Variants in BRD1 observed in about 807,000 individuals in gnomAD.
The protein encoded by BRD1 is bromodomain-containing protein 1.
BRD1 carries 24 observed loss-of-function variants against 107.7 expected under a neutral mutation model. The ratio of observed to expected loss-of-function variants is 0.22; its 90% confidence interval spans 0.16 to 0.31. BRD1 has a LOEUF of 0.31. BRD1 is among the 10% of genes least tolerant of loss of function. The pLI, the probability that BRD1 is intolerant of heterozygous loss-of-function variation, is 1.00. For synonymous variants in BRD1, 744 were observed against 686.1 expected (o/e 1.08, Z -1.32); for missense variants, 1,279 against 1,638.6 (o/e 0.78, Z 3.79).
chr22:49,799,925 G>A (rs1450937879), intron 3 of BRD1, among the ~76,000 whole-genome samples: 6 of 152,220 alleles, frequency 3.9e-5, no homozygotes, highest in African/African-American at 1.2e-4. Context: ...GGGGCACCCT[G>A]ACCCTACCTC....
At chr22:49,775,569 A>G in intron 12 of BRD1, 22 bp downstream of exon 12, 2 of 1,464,660 alleles carry the variant, frequency 1.4e-6, no homozygotes, top group Non-Finnish European at 1.8e-6. Flanking sequence ...CGGTCCCCGG[A>G]GTCTAAGGCC....
intron 1 of BRD1, chr22:49,826,140 T>A: frequency 1.0e-6 from 1 of 982,048 alleles, no homozygotes; most frequent in African/African-American, 1.7e-5. Flanking sequence ...AAGCAACAGT[T>A]GGTTACTCAC....
At chr22:49,802,987 T>C (rs530157513) in intron 3 of BRD1, among the ~76,000 whole-genome samples, 55 of 152,346 alleles carry the variant, frequency 3.6e-4, no homozygotes, top group Admixed American at 3.4e-3. Context: ...CCAAGTTCCA[T>C]GGACAGACAC....
At chr22:49,821,496 G>A (rs2060065182) in intron 2 of BRD1, among the ~76,000 whole-genome samples, 1 of 152,046 alleles carries the variant, frequency 6.6e-6, no homozygotes, top group Non-Finnish European at 1.5e-5. Flanking sequence ...AGCATTTTTT[G>A]TTCATTCTGT....
At position 49,827,108 on chromosome 22, in the gene BRD1, G is replaced by A. The variant is rs540998025; in HGVS notation, c.-15+389C>T. ...GGGCCTGTCTGTTACATAAGGGGCG[G>A]CCCGGCCGGCTCGGCGGCTGCCCGA... On this transcript the variant is annotated intron_variant, in intron 1 of 12. Transcript: ENST00000404760. Among the ~76,000 whole-genome samples, 538 of 151,942 alleles carry A rather than the reference G, an allele frequency of 3.5e-3. 2 individuals carry two copies. Among genetic ancestry groups the A allele is most frequent in the African/African-American group, 0.013 (520 of 41,502 alleles).
intron 2 of BRD1, among the ~76,000 whole-genome samples, chr22:49,810,479 T>G (rs1326883502): frequency 6.6e-6 from 1 of 152,208 alleles, no homozygotes; most frequent in Non-Finnish European, 1.5e-5. Flanking sequence ...GCAGATAAAC[T>G]GGACTCCATC....
intron 2 of BRD1, among the ~76,000 whole-genome samples, chr22:49,808,492 G>A (rs746104361): frequency 1.9e-4 from 29 of 152,212 alleles, no homozygotes; most frequent in Non-Finnish European, 3.7e-4. Flanking sequence ...GAGACAGGGA[G>A]TAGAACGGTG....
Position 49,787,771 on chromosome 22 carries a change from T to C in BRD1, c.2476A>G (p.Lys826Glu). ...KPVELNPEQS[K>E]LFKRVTFDNE... ...TCAAATGTGACTCTTTTGAAAAGTT[T>C]ACTCTGCTCTGGGTTGAGTTCTACT... The change falls in exon 8 of 13, where the codon AAA (lysine) becomes GAA (glutamate). Residue 826 changes from lysine to glutamate, a missense_variant. Lys to Glu is a moderately conservative substitution (Grantham distance 56, BLOSUM62 1). This residue lies in a region of BRD1 where 406 missense variants were observed against 519.4 expected (regional missense o/e 0.78). Coordinates refer to ENST00000404760, the MANE Select transcript of BRD1 (RefSeq NM_001304808.3). The C allele has an allele frequency of 6.4e-7, 1 of 1,550,958 alleles. No homozygotes were observed. Among genetic ancestry groups the C allele is most frequent in the Non-Finnish European group, 8.7e-7 (1 of 1,147,076 alleles).
chr22:49,809,490 G>A (rs150272145), intron 2 of BRD1, among the ~76,000 whole-genome samples: 21 of 151,988 alleles, frequency 1.4e-4, no homozygotes, highest in Non-Finnish European at 2.9e-4. Context: ...GTAGTGAGCC[G>A]AGATCGCGCC....
intron 2 of BRD1, among the ~76,000 whole-genome samples, chr22:49,814,264 C>T (rs2059908933): frequency 6.6e-6 from 1 of 152,266 alleles, no homozygotes; most frequent in South Asian, 2.1e-4. Flanking sequence ...ACAAACAGTG[C>T]ACAGGCAGGG....
intron 7 of BRD1, among the ~76,000 whole-genome samples, chr22:49,789,472 C>T (rs552906200): frequency 1.3e-5 from 2 of 152,044 alleles, no homozygotes; most frequent in East Asian, 3.9e-4. Context: ...TTCCTGCCTC[C>T]TCTTCCACCT....
intron 1 of BRD1, chr22:49,826,275 C>T: frequency 2.0e-6 from 2 of 985,218 alleles, no homozygotes; most frequent in Non-Finnish European, 1.2e-6. Context: ...GCAACACTTT[C>T]TACAAGGGGA....
chr22:49,776,852 C>T (rs969820520), intron 10 of BRD1, among the ~76,000 whole-genome samples, 182 bp downstream of exon 10: 25 of 152,266 alleles, frequency 1.6e-4, no homozygotes, highest in African/African-American at 6.0e-4. Context: ...GCAGGCACCC[C>T]GGCAGGGCCA....
intron 2 of BRD1, among the ~76,000 whole-genome samples, chr22:49,821,623 GAC>G (rs2060067932): frequency 6.7e-6 from 1 of 148,950 alleles, no homozygotes; most frequent in African/African-American, 2.5e-5. Flanking sequence ...TTTTTTTTGA[GAC>G]ACAGTTTCAC....
At chr22:49,785,759 C>T (rs954321551) in intron 8 of BRD1, among the ~76,000 whole-genome samples, 3 of 152,202 alleles carry the variant, frequency 2.0e-5, no homozygotes, top group Non-Finnish European at 2.9e-5. Flanking sequence ...CATTCAGTTA[C>T]GTGCAAAATT....
At chr22:49,808,476 T>C (rs10427831) in intron 2 of BRD1, among the ~76,000 whole-genome samples, 2,628 of 152,176 alleles carry the variant, frequency 0.017, 49 homozygotes, top group Middle Eastern at 0.044. Context: ...AGGAGTCAAA[T>C]TCATGGAGAC....
At chr22:49,785,260 C>G (rs529559317) in intron 8 of BRD1, among the ~76,000 whole-genome samples, 1 of 152,390 alleles carries the variant, frequency 6.6e-6, no homozygotes, top group Admixed American at 6.5e-5. Flanking sequence ...GTGGGGCCAC[C>G]TGGTGGAAAC....
At chr22:49,788,456 A>C (rs1248438575) in intron 7 of BRD1, among the ~76,000 whole-genome samples, 5 of 152,220 alleles carry the variant, frequency 3.3e-5, no homozygotes, top group Admixed American at 1.3e-4. Flanking sequence ...ACAGCACAGA[A>C]GTCCGTGCCA....
In BRD1 at chr22:49,824,406, T is replaced by C; in HGVS notation, c.-14-75A>G. On this transcript the variant is annotated intron_variant, in intron 1 of 12. Coordinates refer to ENST00000404760, the MANE Select transcript of BRD1 (RefSeq NM_001304808.3). This position sits in a 1 kb window ranked among gnomAD's most constrained non-coding sequence, Gnocchi z 5.9. ...CTCGAGAAAACCACAAAAGCATGCT[T>C]GGACAGATCTAGCTCAGCAGCTCAA... is the stretch of plus-strand genomic sequence containing the variant. The C allele has an allele frequency of 3.9e-6, 6 of 1,551,706 alleles. No homozygotes were observed. The highest frequency in any genetic ancestry group is 1.8e-4 in the Middle Eastern group (1 of 5,520).
Sources: allele counts gnomAD v4.1 joint callset (sites outside exome capture counted in the v4.1 genomes callset), GRCh38; gene constraint gnomAD v4.1.1; regional missense constraint gnomAD v4.1.1; non-coding constraint Gnocchi (gnomAD v3.1); transcripts MANE v1.5; gene names NCBI Gene and HGNC (gene_info 2026-07-23, HGNC 2026-07-21).